Variants in LIPJ observed in about 807,000 individuals in gnomAD.
LIPJ encodes the protein lipase member J.
In LIPJ, 33 loss-of-function variants were observed where a neutral mutation model predicts 39.8. The observed-to-expected ratio is 0.83, with a 90% confidence interval of 0.63 to 1.11. The LOEUF is 1.11. Among genes scored for constraint, LIPJ ranks in the 50% least tolerant of loss-of-function variants. The pLI is 0.00. For synonymous variants in LIPJ, 128 were observed against 139.2 expected, an observed-to-expected ratio of 0.92 and a Z score of 0.57; for missense variants, 422 against 427.9, an observed-to-expected ratio of 0.99 and a Z score of 0.12.
At chr10:88,622,222 C>G in the LIPJ span, among the ~76,000 whole-genome samples, 2 of 152,190 alleles carry the variant, frequency 1.3e-5, no homozygotes, top group African/African-American at 4.8e-5. Context: ...CCAGGTGTAA[C>G]ACTCATACTT....
At chr10:88,600,073 CTT>C (rs912858322) in intron 8 of LIPJ, among the ~76,000 whole-genome samples, 4 of 151,794 alleles carry the variant, frequency 2.6e-5, no homozygotes, top group Non-Finnish European at 5.9e-5. Context: ...TTATTATTCT[CTT>C]AGAAATTATA....
intron 8 of LIPJ, among the ~76,000 whole-genome samples, 169 bp from the exon 9 acceptor site, chr10:88,602,407 C>A (rs986775676): frequency 6.6e-6 from 1 of 151,682 alleles, no homozygotes; most frequent in African/African-American, 2.4e-5. Flanking sequence ...AAAAATTGTA[C>A]AATTGAATAA....
the LIPJ span, among the ~76,000 whole-genome samples, chr10:88,617,267 C>A: frequency 6.6e-6 from 1 of 151,584 alleles, no homozygotes; most frequent in South Asian, 2.1e-4. Flanking sequence ...AGATTAGATA[C>A]CTGAAGTTAG....
At chr10:88,594,034 C>T (rs1851171818) in exon 5 of LIPJ, 2 of 1,612,258 alleles carry the variant, frequency 1.2e-6, no homozygotes, top group African/African-American at 2.7e-5. Context: ...GTCTGGGCTT[C>T]ATTCTGGCAG....
chr10:88,613,032 G>A, the LIPJ span, among the ~76,000 whole-genome samples: 2 of 152,132 alleles, frequency 1.3e-5, no homozygotes, highest in Non-Finnish European at 2.9e-5. Context: ...ATTATATCAA[G>A]TACTCTCTCA....
Position 88,601,063 on chromosome 10 carries a change from C to G in LIPJ, c.724-1513C>G, listed in dbSNP as rs554939079. ...TCCCGGGTTCAGGCAATTCTCCTCT[C>G]TCAGCCTCCCAAGTAGCTCAGACTA... On this transcript the variant is annotated intron_variant, in intron 8 of 10. Transcript: ENST00000371939. Among the ~76,000 whole-genome samples, 4 of 152,232 alleles carry G rather than the reference C, an allele frequency of 2.6e-5. No individual in the cohort carries two copies. The South Asian group carries it at 6.2e-4, about 24-fold the overall frequency.
chr10:88,594,409 TA>T, intron 5 of LIPJ: 2 of 483,898 alleles, frequency 4.1e-6, no homozygotes, highest in Non-Finnish European at 7.3e-6. Context: ...TCTTCTACTC[TA>T]TAACTCATAT....
chr10:88,587,471 C>A (rs1850945359), intron 2 of LIPJ, 79 bp downstream of exon 2: 4 of 152,042 alleles, frequency 2.6e-5, no homozygotes, highest in Admixed American at 2.0e-4. Flanking sequence ...GCTAAAGAAA[C>A]ATAATTCTCA....
chr10:88,596,350 T>C, exon 7 of LIPJ: 2 of 1,562,988 alleles, frequency 1.3e-6, no homozygotes. Flanking sequence ...TAGCACCAGT[T>C]TTTTCCACAA....
chr10:88,599,309 A>G (rs1332177501), intron 8 of LIPJ, among the ~76,000 whole-genome samples: 2 of 151,946 alleles, frequency 1.3e-5, no homozygotes, highest in Non-Finnish European at 2.9e-5. Flanking sequence ...ACAAATTTCA[A>G]GTATACAGTA....
At chr10:88,583,163 C>T (rs749580199), upstream of LIPJ, 6 of 1,613,924 alleles carry the variant, frequency 3.7e-6, no homozygotes, top group Non-Finnish European at 5.1e-6. Flanking sequence ...CCTGTCATCC[C>T]GGCGCCCACG....
chr10:88,622,540 A>T, the LIPJ span, among the ~76,000 whole-genome samples: 4 of 152,154 alleles, frequency 2.6e-5, no homozygotes. Flanking sequence ...GGTGGGCTCG[A>T]GAATTTGCAT....
At position 88,605,760 on chromosome 10, in the gene LIPJ, C is replaced by CT. The variant is rs112843136; in HGVS notation, c.867+57dup. ...TTACTGACTTTTTCAGATAACTTTGCTATAGATCAAGGATCAACTGTAAAT... is the reference window on the plus strand; with the variant it reads ...TTACTGACTTTTTCAGATAACTTTGCTTATAGATCAAGGATCAACTGTAAAT... On this transcript the variant is annotated intron_variant, in intron 10 of 10. Coordinates refer to ENST00000371939, the Ensembl canonical transcript of LIPJ. The CT allele has an allele frequency of 5.3e-4, 588 of 1,103,880 alleles. 2 individuals are homozygous for CT. In the African/African-American group the frequency reaches 7.5e-3, roughly 14 times the overall value. The allele number at this position is 1,103,880 out of a possible 1,614,324, so 68.4% of individuals were successfully genotyped here. A position where few individuals can be genotyped will look rare whatever the true frequency, so the allele number is the denominator to read the frequency against.
chr10:88,599,869 C>T (rs759016756), intron 8 of LIPJ, among the ~76,000 whole-genome samples: 49 of 151,536 alleles, frequency 3.2e-4, no homozygotes, highest in Admixed American at 5.9e-4. Flanking sequence ...AATTGAATTA[C>T]AGTATTTAGT....
At chr10:88,596,899 T>C (rs754481379) in exon 8 of LIPJ, 1 of 1,580,250 alleles carries the variant, frequency 6.3e-7, no homozygotes, top group South Asian at 1.1e-5. Flanking sequence ...AATATCTTGT[T>C]TATGATGTTT....
At chr10:88,621,419 A>G in the LIPJ span, among the ~76,000 whole-genome samples, 2 of 152,188 alleles carry the variant, frequency 1.3e-5, no homozygotes, top group African/African-American at 4.8e-5. Flanking sequence ...TCAAGGGGCT[A>G]CATACTGCAT....
At chr10:88,608,934 A>C (rs1851718713), downstream of LIPJ, among the ~76,000 whole-genome samples, 1 of 152,322 alleles carries the variant, frequency 6.6e-6, no homozygotes, top group East Asian at 1.9e-4. Flanking sequence ...ACTTCACTTC[A>C]TCCTCTCCAA....
At chr10:88,590,191 T>TA (rs1851033728) in intron 2 of LIPJ, among the ~76,000 whole-genome samples, 1 of 151,748 alleles carries the variant, frequency 6.6e-6, no homozygotes, top group South Asian at 2.1e-4. Flanking sequence ...CCCTCCCCGC[T>TA]AAAAAAACAA....
intron 6 of LIPJ, among the ~76,000 whole-genome samples, chr10:88,595,322 CAT>C (rs796150113): frequency 4.6e-5 from 7 of 151,820 alleles, no homozygotes; most frequent in African/African-American, 1.7e-4. Flanking sequence ...TATGACCTAA[CAT>C]AATTCTCTTG....
Sources: gnomAD v4.1 joint callset for allele counts (sites outside exome capture counted in the v4.1 genomes callset) on GRCh38, gnomAD v4.1.1 for gene constraint, MANE v1.5 for transcripts, NCBI Gene and HGNC (gene_info 2026-07-23, HGNC 2026-07-21) for gene names.